FYTTD1: variants seen among roughly 807,000 people sequenced by gnomAD.
FYTTD1 encodes UAP56-interacting factor.
Under a neutral mutation model 40.9 loss-of-function variants are expected in FYTTD1, and 22 were observed. That is an observed-to-expected ratio of 0.54 (90% CI 0.38 to 0.77). The LOEUF (loss-of-function observed/expected upper bound fraction) is 0.77, where lower values mean the gene tolerates loss of function less well. Among genes scored for constraint, FYTTD1 ranks in the 30% least tolerant of loss-of-function variants. The pLI is 0.00. For missense variants in FYTTD1, 351 were observed against 392.2 expected (o/e 0.90, Z 0.89); for synonymous variants, 140 against 137.9 (o/e 1.01, Z -0.10).
chr3:197,756,765 G>T (rs1038094048), intron 2 of FYTTD1, among the ~76,000 whole-genome samples: 3 of 152,168 alleles, frequency 2.0e-5, no homozygotes, highest in African/African-American at 7.2e-5. Context: ...AACGTTGTAA[G>T]TCATTTAAAA....
At position 197,778,455 on chromosome 3, in the gene FYTTD1, C is replaced by T. The variant is rs199767604; in HGVS notation, c.849C>T (p.Val283=). The change falls in exon 8 of 9, where the codon GTC becomes GTT. Residue 283 remains valine, a synonymous_variant. Transcript: ENST00000241502. The part of the protein sequence containing the change: ...GVPLQFDINS[V]GKQTGMTLNE... ...CCCTGCAGTTTGACATAAACAGTGT[C>T]GGAAAACAGGTAAAAAAACGTTTTC... 8.1e-6 allele frequency: 13 copies of T among 1,597,130 alleles called. No homozygotes were observed. The highest frequency in any genetic ancestry group is 2.2e-5 in the East Asian group (1 of 44,706).
At chr3:197,762,350 G>C (rs991418673) in intron 2 of FYTTD1, among the ~76,000 whole-genome samples, 6 of 147,122 alleles carry the variant, frequency 4.1e-5, no homozygotes, top group African/African-American at 1.4e-4. Context: ...CAGCACTTTG[G>C]GAGGCCGAGA....
At chr3:197,759,733 C>T (rs574710573) in intron 2 of FYTTD1, among the ~76,000 whole-genome samples, 6 of 129,708 alleles carry the variant, frequency 4.6e-5, no homozygotes, top group African/African-American at 1.5e-4. Flanking sequence ...GAACGTATAG[C>T]GTGTTCTTCA....
chr3:197,764,980 G>A (rs1729500826), intron 2 of FYTTD1, among the ~76,000 whole-genome samples: 1 of 151,534 alleles, frequency 6.6e-6, no homozygotes, highest in Admixed American at 6.6e-5. Flanking sequence ...CTCCCCAGTA[G>A]CTGGGATTAC....
intron 1 of FYTTD1, among the ~76,000 whole-genome samples, chr3:197,754,478 A>G (rs1729154632): frequency 6.6e-6 from 1 of 152,150 alleles, no homozygotes; most frequent in South Asian, 2.1e-4. Flanking sequence ...TTCAAGTTAT[A>G]TTTCCTTCTC....
At chr3:197,777,618 G>T (rs1012958868) in intron 7 of FYTTD1, among the ~76,000 whole-genome samples, 3 of 152,102 alleles carry the variant, frequency 2.0e-5, no homozygotes, top group African/African-American at 2.4e-5. Context: ...TAATGTTTTC[G>T]ATGTCTTTAT....
chr3:197,758,203 A>G (rs1019824651), intron 2 of FYTTD1, among the ~76,000 whole-genome samples: 27 of 152,392 alleles, frequency 1.8e-4, no homozygotes, highest in African/African-American at 6.5e-4. Flanking sequence ...GGCGTGAGCC[A>G]CTGCGCCTGG....
intron 4 of FYTTD1, among the ~76,000 whole-genome samples, chr3:197,772,521 CTTAAAA>C (rs900884626): frequency 1.3e-5 from 2 of 152,230 alleles, no homozygotes; most frequent in African/African-American, 2.4e-5. Flanking sequence ...TGTCTCAGAA[CTTAAAA>C]TTAAAAAAAA....
chr3:197,750,333 C>G, intron 1 of FYTTD1: 1 of 1,141,410 alleles, frequency 8.8e-7, no homozygotes, highest in South Asian at 4.2e-5. Context: ...GGCAGGGGCG[C>G]TGCGGGCCCG....
rs1181800768 is a variant in FYTTD1 at position 197,783,503 on chromosome 3, C to G, written c.*1594C>G. 2 of 152,586 alleles carry G rather than the reference C, an allele frequency of 1.3e-5. No homozygotes were observed. Among genetic ancestry groups the G allele is most frequent in the Non-Finnish European group, 2.9e-5 (2 of 68,028 alleles). The allele number at this position is 152,586 out of a possible 1,614,324, so 9.5% of individuals were successfully genotyped here. A position where few individuals can be genotyped will look rare whatever the true frequency, so the allele number is the denominator to read the frequency against. Reference sequence around the variant, plus strand: ...AAGAATTAAATCTGATCTTTAATATCTGATATTTTCCTGGTACTCGTACTG... The same window carrying G: ...AAGAATTAAATCTGATCTTTAATATGTGATATTTTCCTGGTACTCGTACTG... On this transcript the variant is annotated 3_prime_UTR_variant, in exon 9 of 9. Coordinates refer to ENST00000241502, the MANE Select transcript of FYTTD1 (RefSeq NM_032288.7).
rs1288329089 is a variant in FYTTD1, at chr3:197,782,881, T to C, written c.*972T>C. 1 of 152,636 alleles carries C rather than the reference T, an allele frequency of 6.6e-6. No individual in the cohort carries two copies. The highest frequency in any genetic ancestry group is 1.5e-5 in the Non-Finnish European group (1 of 68,050). The allele number at this position is 152,636 out of a possible 1,614,324, so 9.5% of individuals were successfully genotyped here. On this transcript the variant is annotated 3_prime_UTR_variant, in exon 9 of 9. Coordinates refer to ENST00000241502, the MANE Select transcript of FYTTD1 (RefSeq NM_032288.7). The stretch of plus-strand genomic sequence containing the variant: ...AAAGTCCTAGACTTCTTATTTGAAG[T>C]TAAAATTTCTTATTTGAAAAGTTGA...
At chr3:197,756,700 T>C (rs764834499) in intron 2 of FYTTD1, 143 bp downstream of exon 2, 8 of 761,218 alleles carry the variant, frequency 1.1e-5, no homozygotes, top group Non-Finnish European at 1.7e-5. Flanking sequence ...TTTGTTTAGA[T>C]CTAAAACCTG....
At position 197,782,022 on chromosome 3, in the gene FYTTD1, C is replaced by A; in HGVS notation, c.*113C>A. ...TCAAAATATTCACAAGGCTAAATAA[C>A]TCTTATTTTTATTTTTGAAGGTTTT... On this transcript the variant is annotated 3_prime_UTR_variant, in exon 9 of 9. Coordinates refer to ENST00000241502, the MANE Select transcript of FYTTD1 (RefSeq NM_032288.7). The A allele has an allele frequency of 2.0e-6, 1 of 488,688 alleles. No individual in the cohort carries two copies. Among genetic ancestry groups the A allele is most frequent in the Non-Finnish European group, 3.5e-6 (1 of 284,474 alleles). 30.3% of individuals were successfully genotyped at this position (488,688 alleles called of 1,614,324 possible).
chr3:197,749,611 G>T (rs1188454793), upstream of FYTTD1: 4 of 1,094,512 alleles, frequency 3.7e-6, no homozygotes, highest in Non-Finnish European at 5.0e-6. Flanking sequence ...GGACTCGAAG[G>T]ACACGGAGGA....
At chr3:197,768,319 CATAA>C in intron 2 of FYTTD1, 116 bp from the exon 3 acceptor site, 1 of 676,814 alleles carries the variant, frequency 1.5e-6, no homozygotes, top group Non-Finnish European at 2.3e-6. Flanking sequence ...ATTTAAAAAA[CATAA>C]ATAATAACAT....
intron 1 of FYTTD1, among the ~76,000 whole-genome samples, chr3:197,753,445 A>G (rs1729123219): frequency 6.6e-6 from 1 of 152,144 alleles, no homozygotes; most frequent in Non-Finnish European, 1.5e-5. Flanking sequence ...TACCACCACC[A>G]CTGCTGCTAC....
At chr3:197,763,605 C>A in intron 2 of FYTTD1, 1 of 399,366 alleles carries the variant, frequency 2.5e-6, no homozygotes. Context: ...AGGGAGACCC[C>A]GTCTCTACAA....
Position 197,781,812 on chromosome 3 carries a change from C to T in FYTTD1, c.860C>T (p.Thr287Ile), listed in dbSNP as rs1415353884. 6.3e-7 allele frequency: 1 copy of T among 1,597,396 alleles called. No homozygotes were observed. The highest frequency in any genetic ancestry group is 8.5e-7 in the Non-Finnish European group (1 of 1,169,650). ...TTTTTGTTTTTTTCTTTTCTCTAGA[C>T]AGGGATGACGTTGAATGAGCGGTTT... The part of the protein sequence containing the change: ...QFDINSVGKQ[T>I]GMTLNERFGI... The change falls in exon 9 of 9, where the codon ACA (threonine) becomes ATA (isoleucine). Residue 287 changes from threonine (T) to isoleucine (I), a missense_variant and splice_region_variant. By Grantham distance (89) the Thr-to-Ile change is moderately conservative. Coordinates refer to ENST00000241502, the MANE Select transcript of FYTTD1 (RefSeq NM_032288.7).
chr3:197,784,937 G>A lies in FYTTD1; in HGVS notation c.*3028G>A, dbSNP rs1730122486. On this transcript the variant is annotated 3_prime_UTR_variant, in exon 9 of 9. Transcript: ENST00000241502. ...GTTTTCAAGACTTGCATGTGGCAGA[G>A]TTATTTTTTGAGCTCAGATCTTCTA... 1 of 152,190 alleles carries A rather than the reference G, an allele frequency of 6.6e-6. No homozygotes were observed. The highest frequency in any genetic ancestry group is 1.5e-5 in the Non-Finnish European group (1 of 68,024). The allele number at this position is 152,190 out of a possible 1,614,324, so 9.4% of individuals were successfully genotyped here.
Sources: gnomAD v4.1 joint callset for allele counts (sites outside exome capture counted in the v4.1 genomes callset) on GRCh38, gnomAD v4.1.1 for gene constraint, MANE v1.5 for transcripts, NCBI Gene and HGNC (gene_info 2026-07-23, HGNC 2026-07-21) for gene names.